PIR: variants seen among roughly 807,000 people sequenced by gnomAD.
The protein encoded by PIR is pirin (iron-binding nuclear protein).
A neutral mutation model predicts 24.2 loss-of-function variants in PIR; 22 were observed. The observed-to-expected ratio is 0.91, with a 90% CI of 0.65 to 1.30. The LOEUF is 1.30. Ranked by LOEUF, PIR falls within the 50% of genes most tolerant of loss-of-function variation. PIR has a pLI of 0.00. For synonymous variants in PIR, 80 were observed against 79.6 expected, an observed-to-expected ratio of 1.00 and a Z score of -0.03; for missense variants, 220 against 220.3, an observed-to-expected ratio of 1.00 and a Z score of 0.01.
chrX:15,428,292 G>A (rs1356638850), intron 5 of PIR, among the ~76,000 whole-genome samples: 2 of 111,912 alleles, frequency 1.8e-5, no homozygotes, highest in Non-Finnish European at 3.8e-5. Context: ...ATCATTAGGT[G>A]TATAAGACAC....
chrX:15,474,001 G>A (rs920434387), intron 3 of PIR, among the ~76,000 whole-genome samples: 7 of 111,992 alleles, frequency 6.3e-5, no homozygotes, highest in Admixed American at 2.8e-4. Flanking sequence ...GAATTATATC[G>A]GGTTCTTACT....
At chrX:15,404,831 C>T (rs112878646) in intron 7 of PIR, among the ~76,000 whole-genome samples, 2,637 of 111,617 alleles carry the variant, frequency 0.024, 81 homozygotes, top group African/African-American at 0.08. Flanking sequence ...TAGCCAGCCA[C>T]TCACTGGTTA....
At chrX:15,401,515 A>ATGT in intron 7 of PIR, among the ~76,000 whole-genome samples, 1 of 111,496 alleles carries the variant, frequency 9.0e-6, no homozygotes, top group Middle Eastern at 4.6e-3. Context: ...GATCATTTTT[A>ATGT]TGTTATTCGC....
At chrX:15,405,013 G>A (rs1490549715) in intron 7 of PIR, among the ~76,000 whole-genome samples, 2 of 111,443 alleles carry the variant, frequency 1.8e-5, no homozygotes, top group Non-Finnish European at 3.8e-5. Flanking sequence ...AATGACTCAG[G>A]AAAATCCTGC....
intron 6 of PIR, among the ~76,000 whole-genome samples, chrX:15,412,556 C>T (rs886972277): frequency 1.8e-5 from 2 of 111,820 alleles, no homozygotes; most frequent in African/African-American, 6.5e-5. Flanking sequence ...GCTGCCAATC[C>T]ATTTTCTACA....
intron 6 of PIR, among the ~76,000 whole-genome samples, chrX:15,418,505 G>A (rs1488513559): frequency 2.7e-5 from 3 of 111,540 alleles, no homozygotes; most frequent in Non-Finnish European, 5.6e-5. Flanking sequence ...AAAACGTGTG[G>A]CCAATGTGAA....
At chrX:15,479,907 C>T in intron 2 of PIR, 86 bp from the exon 3 acceptor site, 1 of 460,160 alleles carries the variant, frequency 2.2e-6, no homozygotes, top group Non-Finnish European at 3.5e-6. Context: ...TCTAGCAAGC[C>T]TCATTGAAAA....
At chrX:15,486,948 C>T (rs1364481656) in intron 2 of PIR, among the ~76,000 whole-genome samples, 2 of 112,104 alleles carry the variant, frequency 1.8e-5, no homozygotes, top group African/African-American at 3.2e-5. Flanking sequence ...GCAATAATGT[C>T]TATGGTAGTA....
At chrX:15,401,711 T>G (rs1393525588) in intron 7 of PIR, among the ~76,000 whole-genome samples, 1 of 112,306 alleles carries the variant, frequency 8.9e-6, no homozygotes, top group Non-Finnish European at 1.9e-5. Flanking sequence ...TTAATTGCAA[T>G]TTTTTTGCCT....
intron 5 of PIR, among the ~76,000 whole-genome samples, chrX:15,453,332 C>T (rs984134755): frequency 8.9e-6 from 1 of 112,345 alleles, no homozygotes; most frequent in African/African-American, 3.2e-5. Flanking sequence ...ATGTGTCTGG[C>T]ACTATTCTGA....
chrX:15,468,590 T>C (rs1921723863), intron 3 of PIR, among the ~76,000 whole-genome samples: 1 of 112,432 alleles, frequency 8.9e-6, no homozygotes. Context: ...TTTTTATGGG[T>C]ACGTTATTAT....
At chrX:15,455,781 A>C in intron 5 of PIR, 67 bp downstream of exon 5, 1 of 905,000 alleles carries the variant, frequency 1.1e-6, no homozygotes, top group African/African-American at 1.9e-5. Context: ...AGAGCTAACA[A>C]TCCAGAAGGG....
At chrX:15,466,999 G>A (rs763500481) in intron 3 of PIR, among the ~76,000 whole-genome samples, 10 of 112,526 alleles carry the variant, frequency 8.9e-5, no homozygotes, top group Non-Finnish European at 1.5e-4. Context: ...TTAAGAGAAT[G>A]TAAGCCCCAT....
At chrX:15,460,574 T>C (rs1480448035) in intron 3 of PIR, among the ~76,000 whole-genome samples, 1 of 111,404 alleles carries the variant, frequency 9.0e-6, no homozygotes, top group Non-Finnish European at 1.9e-5. Context: ...TGGGAAGATG[T>C]TGATTAAAGG....
At chrX:15,436,650 C>A (rs1311279579) in intron 5 of PIR, among the ~76,000 whole-genome samples, 10 of 112,142 alleles carry the variant, frequency 8.9e-5, no homozygotes, top group Middle Eastern at 9.3e-3. Flanking sequence ...ACTGAGTCAG[C>A]AAATCTATTA....
At chrX:15,455,344 G>A (rs1202292729) in intron 5 of PIR, among the ~76,000 whole-genome samples, 1 of 112,808 alleles carries the variant, frequency 8.9e-6, no homozygotes, top group Non-Finnish European at 1.9e-5. Context: ...GGCATGTCGT[G>A]TATGGGTTGG....
intron 3 of PIR, among the ~76,000 whole-genome samples, chrX:15,473,267 T>C (rs1167875409): frequency 9.0e-6 from 1 of 111,562 alleles, no homozygotes. Flanking sequence ...GCAGATGCAA[T>C]TGGCACCGAG....
At chrX:15,386,230 A>G (rs932330467) in intron 9 of PIR, among the ~76,000 whole-genome samples, 1 of 112,440 alleles carries the variant, frequency 8.9e-6, no homozygotes, top group Non-Finnish European at 1.9e-5. Context: ...TAACATATTC[A>G]AACTTCTTAA....
chrX:15,444,958 A>T (rs1281163607), intron 5 of PIR, among the ~76,000 whole-genome samples: 5 of 111,770 alleles, frequency 4.5e-5, no homozygotes, highest in Non-Finnish European at 7.5e-5. Context: ...GACAGGGTGG[A>T]AAGGCCCAAA....
Sources: allele counts gnomAD v4.1 joint callset (sites outside exome capture counted in the v4.1 genomes callset), GRCh38; gene constraint gnomAD v4.1.1; transcripts MANE v1.5; gene names NCBI Gene and HGNC (gene_info 2026-07-23, HGNC 2026-07-21).